Variants in RPS6KC1 observed in about 807,000 individuals in gnomAD.
The protein encoded by RPS6KC1 is ribosomal protein S6 kinase C1.
In RPS6KC1, 54 loss-of-function variants were observed where a neutral mutation model predicts 103.8. That is an observed-to-expected ratio of 0.52 (90% CI 0.42 to 0.65). RPS6KC1 has a LOEUF of 0.65. Ranked by LOEUF, RPS6KC1 falls within the 30% of genes least tolerant of loss-of-function variation. The pLI is 0.00. For missense variants in RPS6KC1, 1,151 were observed against 1,253.8 expected (o/e 0.92, Z 1.24); for synonymous variants, 439 against 438.7 (o/e 1.00, Z -0.01).
the RPS6KC1 span, chr1:213,821,279 G>A: frequency 2.0e-5 from 3 of 152,436 alleles, no homozygotes; most frequent in South Asian, 6.2e-4. Flanking sequence ...CCTGAGGAAT[G>A]ACTAAGCAAT....
the RPS6KC1 span, among the ~76,000 whole-genome samples, chr1:213,492,130 G>A: frequency 6.6e-6 from 1 of 152,178 alleles, no homozygotes; most frequent in South Asian, 2.1e-4. Flanking sequence ...GGTTCGGCAT[G>A]ACACCATTGT....
At chr1:213,346,370 A>T in the RPS6KC1 span, among the ~76,000 whole-genome samples, 1 of 152,114 alleles carries the variant, frequency 6.6e-6, no homozygotes. Flanking sequence ...AAAAAAAAAT[A>T]TCACCAATAA....
In RPS6KC1 at chr1:213,256,381, G is replaced by A. The variant is rs138538047; in HGVS notation, c.2912-5177G>A. On this transcript the variant is annotated intron_variant, in intron 12 of 14. Coordinates refer to ENST00000366960, the MANE Select transcript of RPS6KC1 (RefSeq NM_012424.6). ...CAGCAGTTATCTCAGGTGCCACTTC[G>A]TGTCTTGGACTAGCTAGCAAGCCCA... Among the ~76,000 whole-genome samples the A allele has an allele frequency of 3.6e-3, 542 of 152,238 alleles. 3 individuals are homozygous for A. The highest frequency in any genetic ancestry group is 0.012 in the African/African-American group (509 of 41,546).
chr1:213,347,155 T>C, the RPS6KC1 span, among the ~76,000 whole-genome samples: 1 of 152,004 alleles, frequency 6.6e-6, no homozygotes, highest in South Asian at 2.1e-4. Flanking sequence ...CAGAATAAAT[T>C]AGTAAATATA....
intron 4 of RPS6KC1, among the ~76,000 whole-genome samples, chr1:213,107,495 G>A (rs1181679129): frequency 6.6e-6 from 1 of 152,112 alleles, no homozygotes; most frequent in Middle Eastern, 3.2e-3. Context: ...GTTCTTTTAT[G>A]TTGCTGAAAT....
chr1:213,846,720 A>T, the RPS6KC1 span, among the ~76,000 whole-genome samples: 1 of 152,220 alleles, frequency 6.6e-6, no homozygotes, highest in African/African-American at 2.4e-5. Flanking sequence ...TAAATTTTCT[A>T]TCTAGTTTTT....
chr1:213,686,380 C>T, the RPS6KC1 span, among the ~76,000 whole-genome samples: 1 of 152,070 alleles, frequency 6.6e-6, no homozygotes, highest in Admixed American at 6.6e-5. Context: ...GTAGCCTTGC[C>T]CTCTTTAGAT....
intron 7 of RPS6KC1, among the ~76,000 whole-genome samples, chr1:213,171,065 A>G (rs548110802): frequency 7.9e-5 from 12 of 152,314 alleles, no homozygotes; most frequent in Non-Finnish European, 1.2e-4. Context: ...GGTACAGTCT[A>G]TCATGACTTC....
the RPS6KC1 span, among the ~76,000 whole-genome samples, chr1:213,438,255 C>G: frequency 1.3e-5 from 2 of 152,078 alleles, no homozygotes; most frequent in Non-Finnish European, 2.9e-5. Flanking sequence ...ATATCTGGAT[C>G]ATTTTTGAGT....
chr1:213,560,349 A>G, the RPS6KC1 span, among the ~76,000 whole-genome samples: 13 of 152,192 alleles, frequency 8.5e-5, no homozygotes, highest in Non-Finnish European at 1.3e-4. Context: ...AATATGGCAG[A>G]GATTTGGCAA....
the RPS6KC1 span, among the ~76,000 whole-genome samples, chr1:213,432,539 C>A: frequency 6.6e-6 from 1 of 152,048 alleles, no homozygotes; most frequent in Non-Finnish European, 1.5e-5. Flanking sequence ...CATATATACA[C>A]CTGTGGAACC....
At chr1:213,438,617 A>G in the RPS6KC1 span, among the ~76,000 whole-genome samples, 2 of 152,074 alleles carry the variant, frequency 1.3e-5, no homozygotes, top group Non-Finnish European at 1.5e-5. Flanking sequence ...TATACTAAAA[A>G]CAGCTTACAA....
chr1:213,317,494 C>G, the RPS6KC1 span, among the ~76,000 whole-genome samples: 1 of 152,326 alleles, frequency 6.6e-6, no homozygotes, highest in East Asian at 1.9e-4. Context: ...TATCAGTGAT[C>G]CTATCTGGGA....
the RPS6KC1 span, among the ~76,000 whole-genome samples, chr1:213,785,847 G>A: frequency 1.9e-4 from 29 of 152,274 alleles, 1 homozygote; most frequent in South Asian, 6.0e-3. Context: ...GACACAGTAA[G>A]TAGAAAGCCA....
intron 8 of RPS6KC1, among the ~76,000 whole-genome samples, chr1:213,201,790 T>G (rs2093172190): frequency 6.6e-6 from 1 of 152,194 alleles, no homozygotes; most frequent in South Asian, 2.1e-4. Context: ...CACTGCCATG[T>G]TTGGTGAAAG....
chr1:213,436,982 C>G, the RPS6KC1 span, among the ~76,000 whole-genome samples: 1 of 152,040 alleles, frequency 6.6e-6, no homozygotes, highest in Non-Finnish European at 1.5e-5. Context: ...AATCTGTAGA[C>G]TGTTTATATC....
the RPS6KC1 span, among the ~76,000 whole-genome samples, chr1:213,725,107 G>A: frequency 6.6e-6 from 1 of 152,152 alleles, no homozygotes. Context: ...CTTACCAGAG[G>A]ACTAATAAAT....
the RPS6KC1 span, among the ~76,000 whole-genome samples, chr1:213,812,880 T>G: frequency 2.0e-5 from 3 of 152,110 alleles, no homozygotes; most frequent in Non-Finnish European, 4.4e-5. Context: ...TGTAAACCCA[T>G]CATCGGACAG....
chr1:213,504,650 T>C, the RPS6KC1 span, among the ~76,000 whole-genome samples: 335 of 152,330 alleles, frequency 2.2e-3, 2 homozygotes, highest in South Asian at 9.3e-3. Flanking sequence ...TTTAACTGGG[T>C]ATTAAATTCA....
Sources: allele counts gnomAD v4.1 joint callset (sites outside exome capture counted in the v4.1 genomes callset), GRCh38; gene constraint gnomAD v4.1.1; transcripts MANE v1.5; gene names NCBI Gene and HGNC (gene_info 2026-07-23, HGNC 2026-07-21).